PPIP5K2: variants seen among roughly 807,000 people sequenced by gnomAD.
The protein encoded by PPIP5K2 is diphosphoinositol pentakisphosphate kinase 2.
PPIP5K2 carries 105 observed loss-of-function variants against 154.6 expected under a neutral mutation model. The ratio of observed to expected loss-of-function variants is 0.68; its 90% CI spans 0.58 to 0.80. The LOEUF (loss-of-function observed/expected upper bound fraction) is 0.80. Ranked by LOEUF, PPIP5K2 falls within the 30% of genes least tolerant of loss-of-function variation. The pLI is 0.00. For synonymous variants in PPIP5K2, 480 were observed against 490.3 expected (o/e 0.98, Z 0.28); for missense variants, 992 against 1,504.6 (o/e 0.66, Z 5.64).
chr5:103,167,088 T>TC, intron 17 of PPIP5K2, 91 bp from the exon 18 acceptor site: 2 of 1,003,724 alleles, frequency 2.0e-6, no homozygotes, highest in Admixed American at 6.0e-5. Context: ...GGAATTATTC[T>TC]CCAGCTACTG....
At chr5:103,153,813 A>G in intron 10 of PPIP5K2, 35 bp from the exon 11 acceptor site, 2 of 1,432,064 alleles carry the variant, frequency 1.4e-6, no homozygotes, top group Non-Finnish European at 1.9e-6. Context: ...AATCTTTTTT[A>G]GAGAATTAAG....
At position 103,209,234 on chromosome 5, in the gene PPIP5K2, A is replaced by T. The variant is rs1372748130; in HGVS notation, c.*7600A>T. ...ATTTTTATAGTCAAAGATGTACAAG[A>T]TAGCTCCTAATGCTCTTTTATGGCT... On this transcript the variant is annotated 3_prime_UTR_variant, in exon 31 of 31. Transcript: ENST00000358359. 5.3e-5 allele frequency: 8 copies of T among 152,158 alleles called. No homozygotes were observed. The highest frequency in any genetic ancestry group is 1.7e-4 in the African/African-American group (7 of 41,424). 9.4% of individuals were successfully genotyped at this position (152,158 alleles called of 1,614,324 possible).
chr5:103,178,118 A>T, intron 23 of PPIP5K2, 138 bp downstream of exon 23: 4 of 651,570 alleles, frequency 6.1e-6, no homozygotes. Flanking sequence ...AATTTTTTAA[A>T]GTGTGATTTG....
chr5:103,186,470 A>G, intron 27 of PPIP5K2, 31 bp downstream of exon 27: 1 of 1,613,168 alleles, frequency 6.2e-7, no homozygotes, highest in African/African-American at 1.3e-5. Context: ...ACAGATTCAT[A>G]CCTACACCCA....
At chr5:103,191,458 G>A (rs1801225417) in intron 29 of PPIP5K2, among the ~76,000 whole-genome samples, 1 of 152,020 alleles carries the variant, frequency 6.6e-6, no homozygotes, top group African/African-American at 2.4e-5. Flanking sequence ...GTGTATCTCA[G>A]AAAACATTCT....
At position 103,129,690 on chromosome 5, in the gene PPIP5K2, A is replaced by T. The variant is rs1554202057; in HGVS notation, c.101A>T (p.Glu34Val). 1 of 1,604,528 alleles carries T rather than the reference A, an allele frequency of 6.2e-7. No individual in the cohort carries two copies. Among genetic ancestry groups the T allele is most frequent in the African/African-American group, 1.3e-5 (1 of 74,346 alleles). Reference protein sequence around the residue: ...FFHHADEDDEEEDDSPPERQI... With the variant: ...FFHHADEDDEVEDDSPPERQI... ...CACCATGCAGATGAAGACGATGAGG[A>T]GGAAGATGATTCTGTAAGTTGTTTG... Residue 34 changes from glutamate to valine, a missense_variant, in exon 2 of 31, where the codon GAG becomes GTG. By Grantham distance (121) the Glu-to-Val change is moderately radical (BLOSUM62 -2). Around this residue, in one of 9 missense-constraint regions of PPIP5K2, gnomAD observed 153 missense variants for 200.4 expected, o/e 0.76. Coordinates refer to ENST00000358359, the MANE Select transcript of PPIP5K2 (RefSeq NM_001276277.3).
At chr5:103,174,454 C>T (rs1220236445) in intron 21 of PPIP5K2, among the ~76,000 whole-genome samples, 4 of 151,998 alleles carry the variant, frequency 2.6e-5, no homozygotes, top group African/African-American at 4.8e-5. Flanking sequence ...CTTAGAGTCT[C>T]ATGAGGTTGT....
At chr5:103,142,775 C>CCA (rs1554207643) in intron 5 of PPIP5K2, among the ~76,000 whole-genome samples, 2 of 138,200 alleles carry the variant, frequency 1.4e-5, no homozygotes, top group East Asian at 4.3e-4. Context: ...GACTCCGTCT[C>CCA]AAAAAAAAAA....
chr5:103,194,804 T>G, intron 29 of PPIP5K2, 96 bp from the exon 30 acceptor site: 1 of 1,345,984 alleles, frequency 7.4e-7, no homozygotes, highest in Non-Finnish European at 1.0e-6. Flanking sequence ...ATTATGAATA[T>G]TCGTAGGGTC....
At chr5:103,193,922 C>T (rs771295348) in intron 29 of PPIP5K2, among the ~76,000 whole-genome samples, 57 of 152,242 alleles carry the variant, frequency 3.7e-4, no homozygotes, top group East Asian at 3.7e-3. Context: ...CCTTTTTACA[C>T]CTCTCAATTT....
chr5:103,192,032 A>G (rs1020393287), intron 29 of PPIP5K2, among the ~76,000 whole-genome samples: 1 of 152,166 alleles, frequency 6.6e-6, no homozygotes, highest in Non-Finnish European at 1.5e-5. Flanking sequence ...ACATCGTATA[A>G]TTCTAGAGAG....
intron 1 of PPIP5K2, 112 bp downstream of exon 1, chr5:103,120,600 A>G (rs26524): frequency 0.29 from 126,089 of 435,214 alleles, 19,556 homozygotes; most frequent in East Asian, 0.45. Flanking sequence ...CCCTAAACAC[A>G]TGCTCCACCG....
chr5:103,165,429 A>G (rs1385876571), intron 17 of PPIP5K2, among the ~76,000 whole-genome samples: 2 of 151,804 alleles, frequency 1.3e-5, no homozygotes, highest in Non-Finnish European at 2.9e-5. Context: ...TCATTATGAA[A>G]AAACTATACA....
intron 24 of PPIP5K2, 21 bp from the exon 25 acceptor site, chr5:103,183,213 T>TTTTTTTTTTTTG (rs1562488222): frequency 2.2e-6 from 1 of 463,586 alleles, no homozygotes; most frequent in African/African-American, 2.8e-5. Context: ...TTTTTTTTTT[T>TTTTTTTTTTTTG]GCCCCCTTTC....
At chr5:103,123,367 G>C (rs781788132) in intron 1 of PPIP5K2, among the ~76,000 whole-genome samples, 2 of 152,204 alleles carry the variant, frequency 1.3e-5, no homozygotes, top group African/African-American at 2.4e-5. Context: ...CTCATAGTGT[G>C]ATTCCAGGAC....
chr5:103,146,339 T>C (rs1257479978), intron 5 of PPIP5K2, among the ~76,000 whole-genome samples, 188 bp from the exon 6 acceptor site: 1 of 152,060 alleles, frequency 6.6e-6, no homozygotes, highest in Non-Finnish European at 1.5e-5. Context: ...CTATAGCTTT[T>C]AATGCCATAC....
chr5:103,188,124 AT>A (rs1189304427), intron 28 of PPIP5K2, among the ~76,000 whole-genome samples: 1 of 152,176 alleles, frequency 6.6e-6, no homozygotes, highest in Non-Finnish European at 1.5e-5. Context: ...AAAGTGTTTC[AT>A]GACCATTATT....
intron 7 of PPIP5K2, 31 bp from the exon 8 acceptor site, chr5:103,149,121 T>G: frequency 1.3e-6 from 2 of 1,530,118 alleles, no homozygotes; most frequent in Non-Finnish European, 1.8e-6. Context: ...TACATATATA[T>G]ATTTATACAT....
At chr5:103,190,566 T>A (rs1801074585) in intron 28 of PPIP5K2, among the ~76,000 whole-genome samples, 2 of 151,992 alleles carry the variant, frequency 1.3e-5, no homozygotes, top group African/African-American at 4.8e-5. Flanking sequence ...TCCCTAGGTT[T>A]TTTAAAGTAT....
Sources: allele counts gnomAD v4.1 joint callset (sites outside exome capture counted in the v4.1 genomes callset), GRCh38; gene constraint gnomAD v4.1.1; regional missense constraint gnomAD v4.1.1; transcripts MANE v1.5; gene names NCBI Gene and HGNC (gene_info 2026-07-23, HGNC 2026-07-21).